The following ARHGAP24 variants were observed in gnomAD, a reference collection of about 807,000 sequenced individuals.
The protein encoded by ARHGAP24 is Rho GTPase activating protein 24, also known as rho GTPase-activating protein 24.
Under a neutral mutation model 76.4 loss-of-function variants are expected in ARHGAP24, and 50 were observed. The ratio of observed to expected loss-of-function variants is 0.65; its 90% CI spans 0.52 to 0.83. ARHGAP24 has a LOEUF of 0.83. Ranked by LOEUF, ARHGAP24 falls within the 40% of genes least tolerant of loss-of-function variation. The probability of loss-of-function intolerance (pLI) is 0.00; values close to 1 mark genes in which losing one functional copy is unlikely to be tolerated. For synonymous variants in ARHGAP24, 345 were observed against 323.3 expected (o/e 1.07, Z -0.72); for missense variants, 930 against 914.2 (o/e 1.02, Z -0.22).
intron 2 of ARHGAP24, among the ~76,000 whole-genome samples, chr4:85,685,272 AT>A (rs1421616771): frequency 2.6e-5 from 4 of 152,244 alleles, no homozygotes; most frequent in Middle Eastern, 3.4e-3. Context: ...TCTGCCACTA[AT>A]CATTGAGATT....
At chr4:85,578,619 G>C (rs914293134) in intron 2 of ARHGAP24, among the ~76,000 whole-genome samples, 13 of 152,078 alleles carry the variant, frequency 8.5e-5, no homozygotes, top group African/African-American at 3.1e-4. Flanking sequence ...ATTCTCATCT[G>C]TAAAATATAC....
At chr4:85,648,071 A>G (rs1042231450) in intron 2 of ARHGAP24, among the ~76,000 whole-genome samples, 7 of 152,164 alleles carry the variant, frequency 4.6e-5, no homozygotes, top group African/African-American at 1.7e-4. Context: ...AAAGTCAGAT[A>G]AATACAGTTC....
intron 2 of ARHGAP24, among the ~76,000 whole-genome samples, chr4:85,711,419 A>C (rs143774320): frequency 6.6e-6 from 1 of 152,278 alleles, no homozygotes; most frequent in African/African-American, 2.4e-5. Context: ...TGTTTTTGTG[A>C]AATATGTTGT....
intron 1 of ARHGAP24, among the ~76,000 whole-genome samples, chr4:85,543,103 T>C (rs1182626478): frequency 6.6e-6 from 1 of 152,128 alleles, no homozygotes; most frequent in African/African-American, 2.4e-5. Context: ...TTACATGGAA[T>C]AGACAGATTT....
intron 2 of ARHGAP24, among the ~76,000 whole-genome samples, chr4:85,699,239 T>C (rs961029812): frequency 6.6e-6 from 1 of 152,158 alleles, no homozygotes; most frequent in African/African-American, 2.4e-5. Flanking sequence ...TCTTGGCACC[T>C]CCTTGTTAAT....
At chr4:85,547,428 A>G (rs897790806) in intron 1 of ARHGAP24, among the ~76,000 whole-genome samples, 7 of 149,296 alleles carry the variant, frequency 4.7e-5, no homozygotes, top group African/African-American at 1.8e-4. Context: ...AGTGTATTCA[A>G]TACTGGCAAT....
chr4:85,606,445 G>A (rs1720199679), intron 2 of ARHGAP24, among the ~76,000 whole-genome samples: 1 of 152,010 alleles, frequency 6.6e-6, no homozygotes, highest in South Asian at 2.1e-4. Context: ...CTCAGGATGG[G>A]GAGCTTGTAG....
chr4:85,652,883 A>G (rs977250377), intron 2 of ARHGAP24, among the ~76,000 whole-genome samples: 6 of 151,916 alleles, frequency 3.9e-5, no homozygotes, highest in South Asian at 2.1e-4. Context: ...GTGACAAAAG[A>G]TTTTCTGAGT....
At chr4:85,637,169 G>A (rs1721338685) in intron 2 of ARHGAP24, among the ~76,000 whole-genome samples, 1 of 152,050 alleles carries the variant, frequency 6.6e-6, no homozygotes, top group Non-Finnish European at 1.5e-5. Context: ...ATTGTGAACT[G>A]ATGCATACTC....
intron 3 of ARHGAP24, among the ~76,000 whole-genome samples, chr4:85,823,273 A>G (rs1051801074): frequency 6.6e-6 from 1 of 152,220 alleles, no homozygotes; most frequent in Non-Finnish European, 1.5e-5. Flanking sequence ...AATATTTATT[A>G]CAAAATTCGG....
intron 2 of ARHGAP24, among the ~76,000 whole-genome samples, chr4:85,639,703 T>TAA (rs3028175): frequency 0.3 from 44,652 of 146,622 alleles, 7,785 homozygotes; most frequent in East Asian, 0.82. Flanking sequence ...GAATAATTGG[T>TAA]AAAAAAAAAA....
chr4:85,999,130 C>A (rs1420606031), intron 9 of ARHGAP24, among the ~76,000 whole-genome samples: 4 of 152,188 alleles, frequency 2.6e-5, no homozygotes, highest in African/African-American at 9.7e-5. Context: ...GCACCTGATA[C>A]ATACAAATGT....
chr4:85,764,293 G>A (rs1726846203), intron 3 of ARHGAP24, among the ~76,000 whole-genome samples: 1 of 152,002 alleles, frequency 6.6e-6, no homozygotes, highest in South Asian at 2.1e-4. Flanking sequence ...TAGTGTGAGG[G>A]CTCTCGTGTG....
intron 2 of ARHGAP24, among the ~76,000 whole-genome samples, chr4:85,659,784 A>G (rs113974487): frequency 6.6e-6 from 1 of 152,208 alleles, no homozygotes; most frequent in African/African-American, 2.4e-5. Flanking sequence ...AATGAGAAAA[A>G]GGGGAAATTA....
rs72982082 is a variant in ARHGAP24 at position 85,637,149 on chromosome 4, C to G, written c.180+66428C>G. ...AGTGCATGCATTTTTCATTTACTCT[C>G]ATGGGTGTAATTGTGAACTGATGCA... On this transcript the variant is annotated intron_variant, in intron 2 of 9. Coordinates refer to ENST00000395184, the MANE Select transcript of ARHGAP24 (RefSeq NM_001025616.3). Among the ~76,000 whole-genome samples the G allele has an allele frequency of 3.9e-3, 593 of 152,172 alleles. 2 individuals are homozygous for G. Among genetic ancestry groups the G allele is most frequent in the African/African-American group, 0.014 (567 of 41,558 alleles).
chr4:85,726,272 A>G (rs1437233069), intron 3 of ARHGAP24, among the ~76,000 whole-genome samples: 1 of 152,066 alleles, frequency 6.6e-6, no homozygotes, highest in Non-Finnish European at 1.5e-5. Flanking sequence ...TTCCTGGATA[A>G]TGGGGATAAA....
chr4:85,533,728 ATT>A (rs1725359428), intron 1 of ARHGAP24, among the ~76,000 whole-genome samples: 1 of 152,142 alleles, frequency 6.6e-6, no homozygotes, highest in Non-Finnish European at 1.5e-5. Flanking sequence ...CACTAACATA[ATT>A]TTGTTATTAC....
chr4:85,973,927 C>T (rs1245949364), intron 6 of ARHGAP24, among the ~76,000 whole-genome samples: 1 of 143,516 alleles, frequency 7.0e-6, no homozygotes, highest in Non-Finnish European at 1.5e-5. Flanking sequence ...ACTGCAAGCT[C>T]CGCCTCCAGG....
chr4:85,547,890 C>G (rs2869352), intron 1 of ARHGAP24, among the ~76,000 whole-genome samples: 42,708 of 152,080 alleles, frequency 0.28, 7,615 homozygotes, highest in East Asian at 0.79. Flanking sequence ...GTTTTTGCAT[C>G]CATTGTTAAT....
Sources: gnomAD v4.1 joint callset for allele counts (sites outside exome capture counted in the v4.1 genomes callset) on GRCh38, gnomAD v4.1.1 for gene constraint, MANE v1.5 for transcripts, NCBI Gene and HGNC (gene_info 2026-07-23, HGNC 2026-07-21) for gene names.